The following RMST variants were observed in gnomAD, a reference collection of about 807,000 sequenced individuals.
RMST encodes the protein long intergenic non-protein coding RNA 54.
chr12:97,491,070 G>C (rs1565921722), intron 5 of RMST, among the ~76,000 whole-genome samples: 1 of 152,210 alleles, frequency 6.6e-6, no homozygotes, highest in East Asian at 1.9e-4. Flanking sequence ...TAACAGTTCT[G>C]ATAGATTCCC....
intron 6 of RMST, chr12:97,492,647 G>GT (rs1012080514): frequency 2.0e-5 from 3 of 151,984 alleles, no homozygotes; most frequent in African/African-American, 7.2e-5. Context: ...TTTTGTTTTT[G>GT]TTTTTGCATT....
At chr12:97,498,362 CT>C (rs1177972365) in intron 10 of RMST, among the ~76,000 whole-genome samples, 2 of 152,108 alleles carry the variant, frequency 1.3e-5, no homozygotes, top group Non-Finnish European at 2.9e-5. Flanking sequence ...TGCTCTACCA[CT>C]TATTAGCTGT....
At chr12:97,471,910 G>A (rs1873964552) in intron 5 of RMST, among the ~76,000 whole-genome samples, 1 of 151,944 alleles carries the variant, frequency 6.6e-6, no homozygotes. Context: ...AGATCCTTTG[G>A]CTTCCTCTTG....
intron 10 of RMST, among the ~76,000 whole-genome samples, chr12:97,503,187 C>T (rs980824327): frequency 7.2e-5 from 11 of 152,112 alleles, no homozygotes; most frequent in Admixed American, 2.0e-4. Flanking sequence ...TTTCCTTCTT[C>T]TCCTATAGCA....
intron 10 of RMST, among the ~76,000 whole-genome samples, chr12:97,502,719 C>T (rs1379504530): frequency 6.6e-6 from 1 of 152,200 alleles, no homozygotes; most frequent in Non-Finnish European, 1.5e-5. Flanking sequence ...CCACCTCAGC[C>T]TCCCACAGTG....
intron 10 of RMST, among the ~76,000 whole-genome samples, chr12:97,505,663 C>T (rs1214149856): frequency 6.6e-6 from 1 of 152,200 alleles, no homozygotes; most frequent in Non-Finnish European, 1.5e-5. Context: ...GGATGGTACA[C>T]AGGTGGCTTC....
intron 10 of RMST, among the ~76,000 whole-genome samples, chr12:97,512,552 CAG>C (rs1482817298): frequency 7.9e-5 from 12 of 152,180 alleles, no homozygotes; most frequent in Non-Finnish European, 1.8e-4. Context: ...TAGCTAGATA[CAG>C]AGTGTTGATT....
At chr12:97,498,239 G>T (rs1219853340) in intron 10 of RMST, among the ~76,000 whole-genome samples, 1 of 152,136 alleles carries the variant, frequency 6.6e-6, no homozygotes, top group African/African-American at 2.4e-5. Flanking sequence ...TTGCTACGGG[G>T]ATCTAGAATA....
At chr12:97,504,304 T>A (rs954219918) in intron 10 of RMST, among the ~76,000 whole-genome samples, 1 of 150,308 alleles carries the variant, frequency 6.7e-6, no homozygotes, top group Non-Finnish European at 1.5e-5. Flanking sequence ...CTTGGGAGGC[T>A]GAGGCAGGAA....
chr12:97,540,941 G>GATAGATATAGATATAGATATAGAT lies in RMST; in HGVS notation n.1545+10102_1545+10125dup, dbSNP rs11269215. Reference sequence around the variant, plus strand: ...AGATAGATAAATAGATAGAGAGATAGATAGATATAGATATAGATATAGATA... The same window carrying GATAGATATAGATATAGATATAGAT: ...AGATAGATAAATAGATAGAGAGATAGATAGATATAGATATAGATATAGATATAGATATAGATATAGATATAGATA... On this transcript the variant is annotated intron_variant and non_coding_transcript_variant, in intron 11 of 13. Transcript: ENST00000640149. 3.3e-3 allele frequency among the ~76,000 whole-genome samples: 480 copies of GATAGATATAGATATAGATATAGAT among 145,588 alleles called. 8 individuals are homozygous for GATAGATATAGATATAGATATAGAT. The highest frequency in any genetic ancestry group is 0.011 in the African/African-American group (450 of 39,806).
intron 10 of RMST, among the ~76,000 whole-genome samples, chr12:97,507,276 CTT>C (rs142666185): frequency 3.6e-5 from 4 of 112,354 alleles, no homozygotes; most frequent in Admixed American, 1.7e-4. Flanking sequence ...TTGTTTTTGT[CTT>C]TTTTTTTTTA....
chr12:97,558,536 G>T (rs1883872279), intron 11 of RMST, among the ~76,000 whole-genome samples: 1 of 152,154 alleles, frequency 6.6e-6, no homozygotes, highest in African/African-American at 2.4e-5. Context: ...TAAAAAGAAT[G>T]TGTTACTGTA....
intron 11 of RMST, among the ~76,000 whole-genome samples, chr12:97,548,563 GTT>G (rs1883101685): frequency 6.6e-6 from 1 of 151,714 alleles, no homozygotes; most frequent in Admixed American, 6.6e-5. Context: ...CAGTGTGTAG[GTT>G]TTTCACCTCC....
At chr12:97,477,579 T>C (rs1442386546) in intron 5 of RMST, among the ~76,000 whole-genome samples, 3 of 152,040 alleles carry the variant, frequency 2.0e-5, no homozygotes, top group African/African-American at 7.2e-5. Context: ...CATTAAAGGA[T>C]AGAAAAAAAT....
At chr12:97,463,972 A>G (rs904639326) in intron 4 of RMST, among the ~76,000 whole-genome samples, 1 of 152,184 alleles carries the variant, frequency 6.6e-6, no homozygotes, top group Non-Finnish European at 1.5e-5. Flanking sequence ...AGACATTGTT[A>G]TGGCAATAGA....
intron 5 of RMST, among the ~76,000 whole-genome samples, chr12:97,482,790 TATTATTTATTTATTAAATAAATTTATA>T: frequency 6.9e-6 from 1 of 143,976 alleles, no homozygotes; most frequent in African/African-American, 2.6e-5. Context: ...AATAAATTTA[TATTATTTATTTATTAAATAAATTTATA>T]TTATTTATTT....
At chr12:97,464,039 GA>G (rs998934415) in intron 4 of RMST, among the ~76,000 whole-genome samples, 1 of 152,104 alleles carries the variant, frequency 6.6e-6, no homozygotes, top group Non-Finnish European at 1.5e-5. Flanking sequence ...ACGCTAAAAA[GA>G]AATCTGCAAA....
At chr12:97,475,571 T>C (rs564591509) in intron 5 of RMST, among the ~76,000 whole-genome samples, 2 of 144,870 alleles carry the variant, frequency 1.4e-5, no homozygotes, top group South Asian at 4.3e-4. Flanking sequence ...ATACCCACCT[T>C]AGTATCTTTT....
chr12:97,477,626 A>G (rs1874712056), intron 5 of RMST, among the ~76,000 whole-genome samples: 1 of 152,254 alleles, frequency 6.6e-6, no homozygotes, highest in Admixed American at 6.5e-5. Context: ...TGTGATAGAA[A>G]AGCTACTCAT....
Sources: allele counts gnomAD v4.1 joint callset (sites outside exome capture counted in the v4.1 genomes callset), GRCh38; gene constraint gnomAD v4.1.1; transcripts MANE v1.5; gene names NCBI Gene and HGNC (gene_info 2026-07-23, HGNC 2026-07-21).